Variants in PRKCH observed in about 807,000 individuals in gnomAD.
PRKCH encodes the protein protein kinase C eta type.
In PRKCH, 28 loss-of-function variants were observed where a neutral mutation model predicts 82.5. The observed-to-expected ratio is 0.34, with a 90% confidence interval of 0.25 to 0.47. The LOEUF (loss-of-function observed/expected upper bound fraction) is 0.47, where lower values mean the gene tolerates loss of function less well. Ranked by LOEUF, PRKCH falls within the 20% of genes least tolerant of loss-of-function variation. The pLI, the probability that PRKCH is intolerant of heterozygous loss-of-function variation, is 1.00. For synonymous variants in PRKCH, 322 were observed against 327.4 expected, an observed-to-expected ratio of 0.98 and a Z score of 0.18; for missense variants, 705 against 881.8, an observed-to-expected ratio of 0.80 and a Z score of 2.54.
intron 1 of PRKCH, among the ~76,000 whole-genome samples, chr14:61,293,462 C>T (rs74054787): frequency 0.016 from 2,406 of 152,306 alleles, 75 homozygotes; most frequent in African/African-American, 0.055. Context: ...CTCTGGCTGA[C>T]CTTACATTCA....
At chr14:61,316,998 C>T (rs1481789060), upstream of PRKCH, among the ~76,000 whole-genome samples, 1 of 152,182 alleles carries the variant, frequency 6.6e-6, no homozygotes, top group African/African-American at 2.4e-5. Context: ...GGTAGCTTGA[C>T]AATTACCACG....
At chr14:61,233,270 A>T (rs2044758716) in intron 1 of PRKCH, among the ~76,000 whole-genome samples, 1 of 152,122 alleles carries the variant, frequency 6.6e-6, no homozygotes, top group African/African-American at 2.4e-5. Context: ...GCACACCTGT[A>T]ACCCCAGCTA....
At chr14:61,374,942 G>A (rs2046411347) in intron 1 of PRKCH, among the ~76,000 whole-genome samples, 1 of 152,020 alleles carries the variant, frequency 6.6e-6, no homozygotes, top group South Asian at 2.1e-4. Flanking sequence ...CTGCATGGTT[G>A]TACTGCAAAT....
intron 1 of PRKCH, among the ~76,000 whole-genome samples, chr14:61,364,491 C>G (rs543610109): frequency 6.6e-6 from 1 of 151,832 alleles, no homozygotes; most frequent in African/African-American, 2.4e-5. Flanking sequence ...TCAGATGTGG[C>G]AGAAAGAAGG....
chr14:61,519,600 G>A (rs532104585), intron 10 of PRKCH, among the ~76,000 whole-genome samples: 6 of 152,220 alleles, frequency 3.9e-5, no homozygotes, highest in African/African-American at 1.4e-4. Context: ...TTTACATTCA[G>A]CCTCATAATG....
chr14:61,409,400 A>C (rs895059017), intron 2 of PRKCH, among the ~76,000 whole-genome samples: 5 of 152,228 alleles, frequency 3.3e-5, no homozygotes, highest in African/African-American at 1.2e-4. Flanking sequence ...TTCTCCCTGT[A>C]GTTCTGTTAA....
chr14:61,372,107 C>T (rs1594633342), intron 1 of PRKCH, among the ~76,000 whole-genome samples: 1 of 151,974 alleles, frequency 6.6e-6, no homozygotes, highest in East Asian at 1.9e-4. Context: ...AAAATCACAT[C>T]CTTATTCTTT....
chr14:61,360,843 C>T (rs1266024732), intron 1 of PRKCH, among the ~76,000 whole-genome samples: 1 of 152,184 alleles, frequency 6.6e-6, no homozygotes, highest in East Asian at 1.9e-4. Flanking sequence ...AATCTTTCAT[C>T]ATGGACCAGC....
In PRKCH at chr14:61,529,227, CTTGATGCAG is replaced by C. The variant is rs1566930252; in HGVS notation, c.1572+15_1572+23del. 2.5e-6 allele frequency: 4 copies of C among 1,600,052 alleles called. No homozygotes were observed. In the South Asian group the frequency reaches 4.5e-5, roughly 18 times the overall value. On this transcript the variant is annotated intron_variant, in intron 11 of 13. Coordinates refer to ENST00000332981, the MANE Select transcript of PRKCH (RefSeq NM_006255.5). ...ATCGCTCCAGAGGTGAGTGCAGCTG[CTTGATGCAG>C]CTCTGAAATCTGAGCTCTCCAGTAA...
At chr14:61,423,136 T>C (rs1882943354) in intron 2 of PRKCH, among the ~76,000 whole-genome samples, 1 of 152,190 alleles carries the variant, frequency 6.6e-6, no homozygotes, top group Admixed American at 6.5e-5. Flanking sequence ...ACACCACAGT[T>C]GCTACACTGA....
intron 9 of PRKCH, chr14:61,463,384 G>T (rs1594734817): frequency 6.6e-6 from 1 of 152,066 alleles, no homozygotes; most frequent in African/African-American, 2.4e-5. Flanking sequence ...AGGTCCTTTT[G>T]TTCTTGGCAA....
chr14:61,269,887 C>T (rs1162473905), intron 1 of PRKCH, among the ~76,000 whole-genome samples: 1 of 152,146 alleles, frequency 6.6e-6, no homozygotes, highest in East Asian at 1.9e-4. Context: ...TCAGGGGCAG[C>T]GAGGCCACGG....
chr14:61,227,411 G>A (rs2044705335), intron 1 of PRKCH, among the ~76,000 whole-genome samples: 1 of 152,158 alleles, frequency 6.6e-6, no homozygotes, highest in Non-Finnish European at 1.5e-5. Flanking sequence ...GGCTAACACG[G>A]TGAAACCCCG....
chr14:61,529,297 C>T, intron 11 of PRKCH, 84 bp downstream of exon 11: 1 of 1,488,064 alleles, frequency 6.7e-7, no homozygotes, highest in Non-Finnish European at 9.0e-7. Context: ...CTTTTATGCA[C>T]TGCAGCTTTG....
rs540063338 is a variant in PRKCH, at chr14:61,321,628, G to T, written c.-474G>T. 2 of 153,128 alleles carry T rather than the reference G, an allele frequency of 1.3e-5. No homozygotes were observed. The highest frequency in any genetic ancestry group is 1.9e-4 in the East Asian group (1 of 5,180). 9.5% of individuals were successfully genotyped at this position (153,128 alleles called of 1,614,324 possible). On this transcript the variant is annotated 5_prime_UTR_variant, in exon 1 of 14. Transcript: ENST00000332981. This position sits in a 1 kb window ranked among gnomAD's most constrained non-coding sequence, Gnocchi z 4.1. The stretch of plus-strand genomic sequence containing the variant: ...AGGTTCTCGCCGGGGATGCGGCGGC[G>T]GCAGCTGCTTCCTGGTTTGAAGCTC...
intron 9 of PRKCH, among the ~76,000 whole-genome samples, chr14:61,478,834 C>G (rs1356869240): frequency 1.3e-5 from 2 of 152,112 alleles, no homozygotes; most frequent in African/African-American, 4.8e-5. Context: ...GCCCTCCAGC[C>G]TGGGTGACAG....
At chr14:61,460,700 G>A (rs951167408) in intron 9 of PRKCH, among the ~76,000 whole-genome samples, 2 of 152,160 alleles carry the variant, frequency 1.3e-5, no homozygotes, top group African/African-American at 2.4e-5. Context: ...CTTCCTATTT[G>A]CTGGGCTGCG....
chr14:61,279,829 C>G, intron 1 of PRKCH: 2 of 473,514 alleles, frequency 4.2e-6, no homozygotes, highest in Non-Finnish European at 3.8e-6. Flanking sequence ...CTTGAAGAAC[C>G]TCACATGGCA....
intron 1 of PRKCH, among the ~76,000 whole-genome samples, chr14:61,189,586 C>T (rs2044394286): frequency 6.6e-6 from 1 of 151,960 alleles, no homozygotes; most frequent in Non-Finnish European, 1.5e-5. Flanking sequence ...TTCCTCTCCC[C>T]TCCGTCCCTC....
Sources: gnomAD v4.1 joint callset for allele counts (sites outside exome capture counted in the v4.1 genomes callset) on GRCh38, gnomAD v4.1.1 for gene constraint, Gnocchi (gnomAD v3.1) non-coding constraint, MANE v1.5 for transcripts, NCBI Gene and HGNC (gene_info 2026-07-23, HGNC 2026-07-21) for gene names.